RAP1GAP: variants seen among roughly 807,000 people sequenced by gnomAD.
The protein encoded by RAP1GAP is rap1 GTPase-activating protein 1.
RAP1GAP carries 35 observed loss-of-function variants against 87.2 expected under a neutral mutation model. That is an observed-to-expected ratio of 0.40 (90% CI 0.31 to 0.53). The LOEUF is 0.53. RAP1GAP is among the 20% of genes least tolerant of loss of function. The pLI is 0.48. For synonymous variants in RAP1GAP, 375 were observed against 363.9 expected (o/e 1.03, Z -0.35); for missense variants, 734 against 898.9 (o/e 0.82, Z 2.35).
In RAP1GAP at chr1:21,617,497, G is replaced by A. The variant is rs757875218; in HGVS notation, c.106-6C>T. On this transcript the variant is annotated splice_region_variant and splice_polypyrimidine_tract_variant and intron_variant, in intron 6 of 24. Coordinates refer to ENST00000374765, the MANE Select transcript of RAP1GAP (RefSeq NM_002885.4). Reference sequence around the variant, plus strand: ...GGTCCTTCTCGCCCCAAGACCTGAAGAGGGACTCAGCTGAGAGCCACCCCA... The same window carrying A: ...GGTCCTTCTCGCCCCAAGACCTGAAAAGGGACTCAGCTGAGAGCCACCCCA... 5.7e-6 allele frequency: 9 copies of A among 1,588,966 alleles called. No individual in the cohort carries two copies. Among genetic ancestry groups the A allele is most frequent in the African/African-American group, 5.4e-5 (4 of 74,676 alleles).
At chr1:21,663,150 C>T (rs1426323782) in intron 1 of RAP1GAP, among the ~76,000 whole-genome samples, 2 of 152,178 alleles carry the variant, frequency 1.3e-5, no homozygotes, top group Non-Finnish European at 2.9e-5. Context: ...TTTGGGGACT[C>T]GGACAGGTGA....
At position 21,613,164 on chromosome 1, in the gene RAP1GAP, A is replaced by T. The variant is rs1457291866; in HGVS notation, c.528+12T>A. On this transcript the variant is annotated intron_variant, in intron 10 of 24. Coordinates refer to ENST00000374765, the MANE Select transcript of RAP1GAP (RefSeq NM_002885.4). This position sits in a 1 kb window ranked among gnomAD's most constrained non-coding sequence, Gnocchi z 4.7. The stretch of plus-strand genomic sequence containing the variant: ...CCCACCCTCAGTGAGCTGTGCCCAG[A>T]TCCAGCCATACCTTGGGGTAGAGCA... 6.5e-7 allele frequency: 1 copy of T among 1,536,986 alleles called. No homozygotes were observed. The highest frequency in any genetic ancestry group is 1.7e-5 in the Admixed American group (1 of 59,894).
intron 1 of RAP1GAP, among the ~76,000 whole-genome samples, chr1:21,660,545 G>A (rs2097115582): frequency 6.6e-6 from 1 of 151,374 alleles, no homozygotes; most frequent in Admixed American, 6.6e-5. Context: ...TTTTGGCCAG[G>A]CTGGTCTTCA....
intron 2 of RAP1GAP, among the ~76,000 whole-genome samples, chr1:21,639,987 G>A (rs1365378360): frequency 2.6e-5 from 4 of 152,294 alleles, no homozygotes; most frequent in South Asian, 2.1e-4. Context: ...GCTTCCCGCC[G>A]CAAGCAGGAT....
In RAP1GAP at chr1:21,634,608, G is replaced by A. The variant is rs2094391168; in HGVS notation, c.-112-8211C>T. 1.3e-5 allele frequency among the ~76,000 whole-genome samples: 2 copies of A among 152,180 alleles called. No individual in the cohort carries two copies. The highest frequency in any genetic ancestry group is 2.4e-5 in the African/African-American group (1 of 41,448). On this transcript the variant is annotated intron_variant, in intron 2 of 24. Transcript: ENST00000374765. The surrounding 1 kb of genome is among the most constrained non-coding windows in gnomAD (Gnocchi z 4.1). ...GGTGGCACATGGGGCCGCCACCCTCGCCCCATGCTGGCTGCATGCCGAGAC... is the reference window on the plus strand; with the variant it reads ...GGTGGCACATGGGGCCGCCACCCTCACCCCATGCTGGCTGCATGCCGAGAC...
At position 21,617,371 on chromosome 1, in the gene RAP1GAP, T is replaced by G. The variant is rs1235687695; in HGVS notation, c.226A>C (p.Thr76Pro). The G allele has an allele frequency of 4.4e-6, 7 of 1,600,968 alleles. No individual in the cohort carries two copies. Among genetic ancestry groups the G allele is most frequent in the African/African-American group, 2.7e-5 (2 of 74,802 alleles). ...IPETEPLQSP[T>P]TKVKLECNPT... ...TTGCACTCGAGCTTCACCTTGGTTG[T>G]GGGCGACTGCAGTGGCTCTGTCTCG... Residue 76 changes from threonine (T) to proline (P), a missense_variant, in exon 7 of 25, where the codon ACA (threonine) becomes CCA (proline). Physicochemically the swap from Thr to Pro is conservative, Grantham distance 38. Coordinates refer to ENST00000374765, the MANE Select transcript of RAP1GAP (RefSeq NM_002885.4).
chr1:21,642,852 C>T (rs545099500), intron 2 of RAP1GAP, among the ~76,000 whole-genome samples: 41 of 150,256 alleles, frequency 2.7e-4, no homozygotes, highest in African/African-American at 9.6e-4. Context: ...AACATTCTCG[C>T]ACAGTGCACC....
intron 2 of RAP1GAP, among the ~76,000 whole-genome samples, chr1:21,640,256 C>T (rs963433026): frequency 1.3e-5 from 2 of 152,158 alleles, no homozygotes; most frequent in East Asian, 1.9e-4. Context: ...CTTCCAGAGC[C>T]CCCTCCCCAG....
At position 21,617,942 on chromosome 1, in the gene RAP1GAP, C is replaced by G; in HGVS notation, c.97G>C (p.Val33Leu). The change falls in exon 6 of 25, where the codon GTG (valine) becomes CTG (leucine). Residue 33 changes from valine (V) to leucine (L), a missense_variant. Physicochemically the swap from Val to Leu is conservative, Grantham distance 32 (BLOSUM62 1). Around this residue, in one of 2 missense-constraint regions of RAP1GAP, gnomAD observed 485 missense variants for 646.2 expected, o/e 0.75. Coordinates refer to ENST00000374765, the MANE Select transcript of RAP1GAP (RefSeq NM_002885.4). ...TEEDYIPYPS[V>L]HEVLGREGPF... ...GGGTTCTAGCTGAGTACCTCGTGCA[C>G]GCTCGGGTATGGAATGTAGTCCTCC... 6.2e-7 allele frequency: 1 copy of G among 1,614,114 alleles called. No homozygotes were observed. Among genetic ancestry groups the G allele is most frequent in the African/African-American group, 1.3e-5 (1 of 75,042 alleles).
chr1:21,665,561 G>A (rs2097314173), intron 1 of RAP1GAP, among the ~76,000 whole-genome samples: 1 of 152,202 alleles, frequency 6.6e-6, no homozygotes, highest in African/African-American at 2.4e-5. Context: ...AGGAAAGGCT[G>A]GAATCCCAGT....
At chr1:21,621,310 G>T (rs561513453) in intron 3 of RAP1GAP, among the ~76,000 whole-genome samples, 1 of 152,134 alleles carries the variant, frequency 6.6e-6, no homozygotes, top group Admixed American at 6.5e-5. Flanking sequence ...GCCCCGGCAG[G>T]GTCACATAAC....
intron 1 of RAP1GAP, among the ~76,000 whole-genome samples, chr1:21,651,035 G>A (rs1445853325): frequency 1.3e-5 from 2 of 152,198 alleles, no homozygotes; most frequent in African/African-American, 2.4e-5. Flanking sequence ...GTCTGGCTGG[G>A]CAGGGGCTCT....
rs755850770 is a variant in RAP1GAP, at chr1:21,613,552, G to A, written c.474+76C>T. 2.3e-4 allele frequency: 318 copies of A among 1,382,574 alleles called. 1 individual carries two copies. The highest frequency in any genetic ancestry group is 3.0e-4 in the Non-Finnish European group (294 of 971,666). 85.6% of individuals were successfully genotyped at this position (1,382,574 alleles called of 1,614,324 possible). The stretch of plus-strand genomic sequence containing the variant: ...TAGGGCCTACAGCTGAAGGGGACGC[G>A]CCAAGGCAAGCTGAAGCCCCACAGG... On this transcript the variant is annotated intron_variant, in intron 9 of 24. Transcript: ENST00000374765. The surrounding 1 kb of genome is among the most constrained non-coding windows in gnomAD (Gnocchi z 4.7).
intron 2 of RAP1GAP, among the ~76,000 whole-genome samples, chr1:21,635,757 A>G (rs2094577921): frequency 6.6e-6 from 1 of 152,238 alleles, no homozygotes; most frequent in African/African-American, 2.4e-5. Context: ...AGACAAGGTC[A>G]CCATCTCCTA....
rs1185391422 is a variant in RAP1GAP at position 21,622,512 on chromosome 1, G to A, written c.-18-2462C>T. On this transcript the variant is annotated intron_variant, in intron 3 of 24. Coordinates refer to ENST00000374765, the MANE Select transcript of RAP1GAP (RefSeq NM_002885.4). This position sits in a 1 kb window ranked among gnomAD's most constrained non-coding sequence, Gnocchi z 5.7. The stretch of plus-strand genomic sequence containing the variant: ...GCCCGGGTCCGGGCCCCGCAGCGCT[G>A]AGCTCCGCGCTCCCGGCTCCCGGCG... The A allele has an allele frequency of 2.0e-5, 3 of 151,262 alleles. No individual in the cohort carries two copies. The highest frequency in any genetic ancestry group is 4.3e-5 in the Non-Finnish European group (3 of 69,220). The allele number at this position is 151,262 out of a possible 1,614,324, so 9.4% of individuals were successfully genotyped here. A position where few individuals can be genotyped will look rare whatever the true frequency, so the allele number is the denominator to read the frequency against.
Position 21,613,764 on chromosome 1 carries a change from C to T in RAP1GAP, c.396-58G>A. On this transcript the variant is annotated intron_variant, in intron 8 of 24. Transcript: ENST00000374765. The surrounding 1 kb of genome is among the most constrained non-coding windows in gnomAD (Gnocchi z 4.7). ...GGCAGCAGGACAGGAAAATGGGAAC[C>T]CCACCCCCCACAAAGTAAGGCCAGA... 4.0e-6 allele frequency: 6 copies of T among 1,495,024 alleles called. No individual in the cohort carries two copies. The Admixed American group carries it at 5.0e-5, about 13-fold the overall frequency. The allele number at this position is 1,495,024 out of a possible 1,614,324, so 92.6% of individuals were successfully genotyped here.
At chr1:21,649,323 C>T (rs2096369455) in intron 2 of RAP1GAP, among the ~76,000 whole-genome samples, 1 of 151,894 alleles carries the variant, frequency 6.6e-6, no homozygotes, top group Non-Finnish European at 1.5e-5. Flanking sequence ...CTAAGGGAGC[C>T]CCAGCCCAGC....
intron 18 of RAP1GAP, 43 bp from the exon 19 acceptor site, chr1:21,602,956 C>T (rs1025429433): frequency 7.3e-7 from 1 of 1,375,944 alleles, no homozygotes; most frequent in East Asian, 2.5e-5. Context: ...TACCTGGGAG[C>T]CCCAGTGCCC....
rs1449053310 is a variant in RAP1GAP at position 21,608,927 on chromosome 1, A to G, written c.1081T>C (p.Phe361Leu). 2.5e-6 allele frequency: 4 copies of G among 1,613,586 alleles called. No homozygotes were observed. Among genetic ancestry groups the G allele is most frequent in the Non-Finnish European group, 3.4e-6 (4 of 1,179,536 alleles). ...DPAVFRKGPE[F>L]QEFLLTKLIN... ...AGCTTTGTCAGCAAAAATTCCTGGA[A>G]CTCAGGCCCCTGGAAACTCCCAGTG... is the stretch of plus-strand genomic sequence containing the variant. Residue 361 changes from phenylalanine (F) to leucine (L), a missense_variant, in exon 16 of 25, where the codon TTC becomes CTC. Physicochemically the swap from Phe to Leu is conservative, Grantham distance 22. This residue lies in a region of RAP1GAP where 485 missense variants were observed against 646.2 expected (regional missense o/e 0.75). Transcript: ENST00000374765.
Sources: gnomAD v4.1 joint callset for allele counts (sites outside exome capture counted in the v4.1 genomes callset) on GRCh38, gnomAD v4.1.1 for gene constraint, gnomAD v4.1.1 regional missense constraint, Gnocchi (gnomAD v3.1) non-coding constraint, MANE v1.5 for transcripts, NCBI Gene and HGNC (gene_info 2026-07-23, HGNC 2026-07-21) for gene names.